ASB11: variants seen among roughly 807,000 people sequenced by gnomAD.
ASB11 encodes ankyrin repeat and SOCS box protein 11.
Under a neutral mutation model 20.1 loss-of-function variants are expected in ASB11, and 17 were observed. That is an observed-to-expected ratio of 0.85 (90% CI 0.58 to 1.27). The LOEUF (loss-of-function observed/expected upper bound fraction) is 1.27. ASB11 is among the 50% of genes most tolerant of loss of function. The probability of loss-of-function intolerance (pLI) is 0.00; values close to 1 mark genes in which losing one functional copy is unlikely to be tolerated. For synonymous variants in ASB11, 107 were observed against 105.6 expected (o/e 1.01, Z -0.08); for missense variants, 259 against 256.9 (o/e 1.01, Z -0.06).
intron 2 of ASB11, among the ~76,000 whole-genome samples, chrX:15,300,388 A>C (rs995036885): frequency 8.9e-6 from 1 of 112,749 alleles, no homozygotes. Flanking sequence ...ACATTAGCTT[A>C]ATGTTTTACT....
intron 6 of ASB11, among the ~76,000 whole-genome samples, chrX:15,286,663 CAA>C (rs764801887): frequency 5.5e-5 from 3 of 54,374 alleles, no homozygotes; most frequent in Admixed American, 2.3e-4. Context: ...GACTCCATCT[CAA>C]AAAAAAAAAA....
rs1051934931 is a variant in ASB11 at position 15,315,517 on chromosome X, A to C, written c.89T>G (p.Val30Gly). 6 of 1,194,299 alleles carry C rather than the reference A, an allele frequency of 5.0e-6. No homozygotes were observed. The highest frequency in any genetic ancestry group is 6.8e-6 in the Non-Finnish European group (6 of 887,690). The change falls in exon 1 of 7, where the codon GTT (valine) becomes GGT (glycine). Residue 30 changes from valine (V) to glycine (G), a missense_variant. Transcript: ENST00000480796. ...TFFFFKLLIK[V>G]FLALLTHFYI... ...GAAATGGGTTAGGAGAGCCAAAAAA[A>C]CTTTAATTAAAAGCTTAAAGAAAAA... is the stretch of plus-strand genomic sequence containing the variant.
intron 2 of ASB11, among the ~76,000 whole-genome samples, chrX:15,301,249 C>T (rs12859158): frequency 0.21 from 22,881 of 111,329 alleles, 2,042 homozygotes; most frequent in African/African-American, 0.32. Flanking sequence ...AGGCGTGAGC[C>T]ACCACATCCG....
intron 2 of ASB11, 26 bp from the exon 3 acceptor site, chrX:15,297,707 A>G: frequency 8.4e-7 from 1 of 1,185,771 alleles, no homozygotes; most frequent in Non-Finnish European, 1.1e-6. Flanking sequence ...AAGAGAGTTT[A>G]TTTATTTTTT....
rs779409414 is a variant in ASB11, at chrX:15,282,987, T to C, written c.*518A>G. ...GTGTGTATATATATACGTATATATA[T>C]ATACGTATATGTATGTATATATATA... On this transcript the variant is annotated 3_prime_UTR_variant, in exon 7 of 7. Transcript: ENST00000480796. 9.5e-6 allele frequency: 1 copy of C among 105,071 alleles called. No homozygotes were observed. Among genetic ancestry groups the C allele is most frequent in the Non-Finnish European group, 1.9e-5 (1 of 51,796 alleles). 8.7% of individuals were successfully genotyped at this position (105,071 alleles called of 1,213,427 possible). A position where few individuals can be genotyped will look rare whatever the true frequency, so the allele number is the denominator to read the frequency against.
At chrX:15,301,707 T>G (rs1294685459) in intron 2 of ASB11, among the ~76,000 whole-genome samples, 1 of 112,340 alleles carries the variant, frequency 8.9e-6, no homozygotes, top group African/African-American at 3.2e-5. Context: ...CACACTTTCA[T>G]TCATTCATTT....
intron 1 of ASB11, among the ~76,000 whole-genome samples, chrX:15,312,031 T>A (rs1921444332): frequency 9.0e-6 from 1 of 111,086 alleles, no homozygotes; most frequent in Admixed American, 9.7e-5. Context: ...GTATCTACAC[T>A]ATATTTTCTT....
chrX:15,297,441 T>C, intron 3 of ASB11, 133 bp downstream of exon 3: 1 of 440,596 alleles, frequency 2.3e-6, no homozygotes, highest in Non-Finnish European at 3.8e-6. Context: ...GCCTAAATGA[T>C]GGAATACGGA....
At chrX:15,285,140 CTTTTTTTTTTTT>C (rs767822616) in intron 6 of ASB11, among the ~76,000 whole-genome samples, 1 of 81,569 alleles carries the variant, frequency 1.2e-5, no homozygotes, top group African/African-American at 4.6e-5. Flanking sequence ...TTTAATCTTT[CTTTTTTTTTTTT>C]TTTTTTTTTG....
chrX:15,286,107 G>C (rs970954988), intron 6 of ASB11, among the ~76,000 whole-genome samples: 1 of 111,405 alleles, frequency 9.0e-6, no homozygotes, highest in Non-Finnish European at 1.9e-5. Context: ...GAGCCTGCTA[G>C]ACATGCAGAG....
rs1483478044 is a variant in ASB11, at chrX:15,289,502, AC to A, written c.655+1del. ...CTTCATGAAAATAATTTTGGAAATT[AC>A]CTAATTCTAGAAGTTTCTTCACACA... On this transcript the variant is annotated splice_donor_variant, in intron 5 of 6. Transcript: ENST00000480796. LOFTEE classifies it high-confidence loss of function. The A allele has an allele frequency of 8.4e-7, 1 of 1,190,378 alleles. No individual in the cohort carries two copies.
At chrX:15,308,640 A>G (rs1267239169) in intron 1 of ASB11, among the ~76,000 whole-genome samples, 1 of 112,046 alleles carries the variant, frequency 8.9e-6, no homozygotes, top group Non-Finnish European at 1.9e-5. Context: ...CATGACAACC[A>G]CTGCTCCACA....
intron 2 of ASB11, among the ~76,000 whole-genome samples, chrX:15,302,419 A>C (rs924576133): frequency 8.9e-6 from 1 of 112,398 alleles, no homozygotes; most frequent in Admixed American, 9.5e-5. Context: ...GCATGCTGGA[A>C]GAGCATGAGG....
At chrX:15,289,815 G>A (rs975487357) in intron 4 of ASB11, 177 bp from the exon 5 acceptor site, 3 of 398,216 alleles carry the variant, frequency 7.5e-6, no homozygotes, top group Non-Finnish European at 1.2e-5. Context: ...CCTGAGGTCA[G>A]GAGTTCGAGA....
rs148086085 is a variant in ASB11, at chrX:15,313,721, G to A, written c.181+1704C>T. ...GATTAAATTCAAACCATGCTTACAT[G>A]GGTTTTGACTATAAGGAGGTTTTAT... On this transcript the variant is annotated intron_variant, in intron 1 of 6. Transcript: ENST00000480796. Among the ~76,000 whole-genome samples, 760 of 111,498 alleles carry A rather than the reference G, an allele frequency of 6.8e-3. 15 individuals are homozygous for A. The highest frequency in any genetic ancestry group is 0.024 in the African/African-American group (735 of 30,677).
chrX:15,298,977 C>A (rs983253292), intron 2 of ASB11, among the ~76,000 whole-genome samples: 2 of 111,276 alleles, frequency 1.8e-5, no homozygotes, highest in Middle Eastern at 4.2e-3. Context: ...CATTCTCCCT[C>A]CCCATACTAC....
intron 1 of ASB11, among the ~76,000 whole-genome samples, chrX:15,304,649 G>A (rs1921178229): frequency 8.9e-6 from 1 of 112,193 alleles, no homozygotes; most frequent in Non-Finnish European, 1.9e-5. Context: ...GGAAGCTGAG[G>A]CGGGCAGATC....
At chrX:15,315,176 A>G (rs1381493295) in intron 1 of ASB11, among the ~76,000 whole-genome samples, 3 of 112,013 alleles carry the variant, frequency 2.7e-5, no homozygotes, top group African/African-American at 9.7e-5. Flanking sequence ...AAATACTCTT[A>G]GTAAGCCACT....
At chrX:15,289,760 A>C in intron 4 of ASB11, 122 bp from the exon 5 acceptor site, 1 of 831,808 alleles carries the variant, frequency 1.2e-6, no homozygotes, top group Non-Finnish European at 1.7e-6. Context: ...GTGGTGGCTC[A>C]CGCCTGTAAT....
Sources: allele counts gnomAD v4.1 joint callset (sites outside exome capture counted in the v4.1 genomes callset), GRCh38; gene constraint gnomAD v4.1.1; transcripts MANE v1.5; gene names NCBI Gene and HGNC (gene_info 2026-07-23, HGNC 2026-07-21).